Variants in ERBB4 observed in about 807,000 individuals in gnomAD.
The protein encoded by ERBB4 is erb-b2 receptor tyrosine kinase 4, also known as receptor tyrosine-protein kinase erbB-4.
ERBB4 carries 42 observed loss-of-function variants against 158.0 expected under a neutral mutation model. The ratio of observed to expected loss-of-function variants is 0.27; its 90% CI spans 0.21 to 0.34. ERBB4 has a LOEUF of 0.34. Among genes scored for constraint, ERBB4 ranks in the 10% least tolerant of loss-of-function variants. The pLI is 1.00. For missense variants in ERBB4, 1,333 were observed against 1,624.1 expected, an observed-to-expected ratio of 0.82 and a Z score of 3.08; for synonymous variants, 583 against 558.7, an observed-to-expected ratio of 1.04 and a Z score of -0.61.
Position 212,402,355 on chromosome 2 carries a change from T to A in ERBB4, c.82+136094A>T, listed in dbSNP as rs138105358. Among the ~76,000 whole-genome samples the A allele has an allele frequency of 7.3e-3, 1,116 of 152,164 alleles. 7 individuals are homozygous for A. The highest frequency in any genetic ancestry group is 0.024 in the Middle Eastern group (7 of 294). On this transcript the variant is annotated intron_variant, in intron 1 of 27. Transcript: ENST00000342788. The stretch of plus-strand genomic sequence containing the variant: ...ATTAGTGATTGCCACAGGTTAGGGA[T>A]TGGGCGGGCTTTGGAGGAATGTGGA...
rs946403816 is a variant in ERBB4 at position 212,014,923 on chromosome 2, T to C, written c.235-67307A>G. Among the ~76,000 whole-genome samples the C allele has an allele frequency of 6.8e-4, 102 of 150,260 alleles. 1 individual carries two copies. The highest frequency in any genetic ancestry group is 2.3e-3 in the African/African-American group (95 of 40,892). On this transcript the variant is annotated intron_variant, in intron 2 of 27. Coordinates refer to ENST00000342788, the MANE Select transcript of ERBB4 (RefSeq NM_005235.3). ...AGTATTTTTCTTCAGCCAGGCGCAG[T>C]GGCTCACGCCTGTAATCGCAGCACT... is the stretch of plus-strand genomic sequence containing the variant.
At chr2:212,381,941 C>T (rs2090516964) in intron 1 of ERBB4, among the ~76,000 whole-genome samples, 1 of 150,998 alleles carries the variant, frequency 6.6e-6, no homozygotes. Flanking sequence ...CCATATAACT[C>T]CAGTGCCTGT....
chr2:211,663,972 C>CTCA (rs1477724220), intron 15 of ERBB4, among the ~76,000 whole-genome samples: 2 of 152,032 alleles, frequency 1.3e-5, no homozygotes, highest in Non-Finnish European at 2.9e-5. Flanking sequence ...CTCTAGTTTC[C>CTCA]TTGAAGCAAA....
chr2:212,078,222 T>C (rs1007973591), intron 2 of ERBB4, among the ~76,000 whole-genome samples: 5 of 152,080 alleles, frequency 3.3e-5, no homozygotes, highest in Non-Finnish European at 7.4e-5. Context: ...CCCAGCAACT[T>C]CACTTTAACC....
rs148814537 is a variant in ERBB4 at position 211,881,918 on chromosome 2, G to A, written c.421+65512C>T. 3.3e-5 allele frequency among the ~76,000 whole-genome samples: 5 copies of A among 152,098 alleles called. No individual in the cohort carries two copies. In the East Asian group the frequency reaches 9.6e-4, roughly 29 times the overall value. ...AGCTTCAGTGGCAGTCTTTTTGGGG[G>A]GATGCTCAAGGCATTTTATTTCTCG... is the stretch of plus-strand genomic sequence containing the variant. On this transcript the variant is annotated intron_variant, in intron 3 of 27. Coordinates refer to ENST00000342788, the MANE Select transcript of ERBB4 (RefSeq NM_005235.3).
chr2:212,519,388 T>A (rs534527228), intron 1 of ERBB4, among the ~76,000 whole-genome samples: 24 of 152,014 alleles, frequency 1.6e-4, no homozygotes, highest in Admixed American at 5.3e-4. Context: ...CCTGGAAAAA[T>A]TACAAATCAT....
intron 20 of ERBB4, among the ~76,000 whole-genome samples, chr2:211,548,900 A>C (rs957782930): frequency 1.3e-5 from 2 of 152,124 alleles, no homozygotes; most frequent in Non-Finnish European, 2.9e-5. Context: ...AAAATCACTG[A>C]ACTAGACCTT....
intron 3 of ERBB4, among the ~76,000 whole-genome samples, chr2:211,849,989 T>A (rs1481910907): frequency 6.6e-6 from 1 of 151,974 alleles, no homozygotes; most frequent in South Asian, 2.1e-4. Flanking sequence ...TATACAGAAT[T>A]GACCAAACTG....
chr2:212,203,762 T>G (rs1317404995), intron 1 of ERBB4, among the ~76,000 whole-genome samples: 1 of 152,298 alleles, frequency 6.6e-6, no homozygotes, highest in South Asian at 2.1e-4. Context: ...AAGTCACTAA[T>G]CAACCACTTA....
At chr2:211,993,983 T>C (rs1202405910) in intron 2 of ERBB4, among the ~76,000 whole-genome samples, 2 of 151,690 alleles carry the variant, frequency 1.3e-5, no homozygotes, top group African/African-American at 2.4e-5. Context: ...TTCCCATATA[T>C]TATTTTATGT....
chr2:211,418,311 G>A (rs774410263), intron 25 of ERBB4, among the ~76,000 whole-genome samples: 6 of 152,016 alleles, frequency 3.9e-5, no homozygotes, highest in Non-Finnish European at 7.4e-5. Flanking sequence ...AGAAATTTCC[G>A]TAAAAGTTAC....
chr2:211,632,081 A>T (rs2125876593), intron 16 of ERBB4, among the ~76,000 whole-genome samples: 1 of 152,174 alleles, frequency 6.6e-6, no homozygotes, highest in Non-Finnish European at 1.5e-5. Flanking sequence ...ACTGCAGAAA[A>T]ATCTAAAAAG....
At chr2:212,387,801 T>C (rs1303778859) in intron 1 of ERBB4, among the ~76,000 whole-genome samples, 2 of 152,102 alleles carry the variant, frequency 1.3e-5, no homozygotes, top group Admixed American at 1.3e-4. Flanking sequence ...TATATCCCTT[T>C]GTATATGCTT....
At chr2:211,719,345 AT>A (rs1374442669) in intron 7 of ERBB4, among the ~76,000 whole-genome samples, 2 of 152,184 alleles carry the variant, frequency 1.3e-5, no homozygotes, top group African/African-American at 4.8e-5. Context: ...CTGAAGGATT[AT>A]TTTTTTCTCA....
intron 3 of ERBB4, among the ~76,000 whole-genome samples, chr2:211,839,139 G>A (rs1391701364): frequency 7.9e-6 from 1 of 127,332 alleles, no homozygotes; most frequent in Non-Finnish European, 1.7e-5. Context: ...GAGAGGGAGA[G>A]AGGGAGAGAG....
chr2:212,027,943 G>A (rs537000647), intron 2 of ERBB4, among the ~76,000 whole-genome samples: 10 of 152,052 alleles, frequency 6.6e-5, no homozygotes, highest in East Asian at 3.9e-4. Context: ...GAGATTCAAC[G>A]TACAACTCAT....
intron 3 of ERBB4, among the ~76,000 whole-genome samples, chr2:211,901,353 T>C (rs745308763): frequency 4.6e-5 from 7 of 152,196 alleles, no homozygotes; most frequent in Non-Finnish European, 1.0e-4. Flanking sequence ...GTCTGGTAAG[T>C]AGATGCATCA....
intron 20 of ERBB4, among the ~76,000 whole-genome samples, chr2:211,440,474 C>T (rs16846184): frequency 0.016 from 2,436 of 152,278 alleles, 50 homozygotes; most frequent in East Asian, 0.09. Flanking sequence ...CAAATGCATT[C>T]AGAGACTACA....
chr2:211,709,235 G>GTATATATATA (rs773229423), intron 9 of ERBB4, among the ~76,000 whole-genome samples: 1 of 103,208 alleles, frequency 9.7e-6, no homozygotes, highest in African/African-American at 4.1e-5. Flanking sequence ...GCGTGTGTGT[G>GTATATATATA]TATATATATA....
Sources: gnomAD v4.1 joint callset for allele counts (sites outside exome capture counted in the v4.1 genomes callset) on GRCh38, gnomAD v4.1.1 for gene constraint, MANE v1.5 for transcripts, NCBI Gene and HGNC (gene_info 2026-07-23, HGNC 2026-07-21) for gene names.